Variants in DLG2 observed in about 807,000 individuals in gnomAD.
The protein encoded by DLG2 is disks large homolog 2.
In DLG2, 45 loss-of-function variants were observed where a neutral mutation model predicts 132.5. The ratio of observed to expected loss-of-function variants is 0.34; its 90% CI spans 0.27 to 0.44. DLG2 has a LOEUF of 0.44. Among genes scored for constraint, DLG2 ranks in the 20% least tolerant of loss-of-function variants. The pLI, the probability that DLG2 is intolerant of heterozygous loss-of-function variation, is 1.00. For missense variants in DLG2, 1,045 were observed against 1,196.9 expected, an observed-to-expected ratio of 0.87 and a Z score of 1.87; for synonymous variants, 424 against 419.6, an observed-to-expected ratio of 1.01 and a Z score of -0.13.
chr11:85,462,043 T>A (rs977633268), intron 3 of DLG2, among the ~76,000 whole-genome samples: 1 of 152,200 alleles, frequency 6.6e-6, no homozygotes, highest in South Asian at 2.1e-4. Context: ...AAAAGACACA[T>A]GAAAACATGC....
At chr11:84,144,781 T>A (rs1440184440) in intron 9 of DLG2, among the ~76,000 whole-genome samples, 1 of 151,758 alleles carries the variant, frequency 6.6e-6, no homozygotes, top group African/African-American at 2.4e-5. Flanking sequence ...ATTCTGCAGA[T>A]GACTGAAGTA....
rs2089015945 is a variant in DLG2, at chr11:83,456,583, T to G, written c.*3235A>C. ...GAGGTGGACAAAAAGAGAAAGGGAA[T>G]AGAGAAGGATTATAGGAGAAAGTCA... On this transcript the variant is annotated 3_prime_UTR_variant, in exon 28 of 28. Transcript: ENST00000376104. 1.4e-5 allele frequency: 2 copies of G among 141,452 alleles called. No homozygotes were observed. The highest frequency in any genetic ancestry group is 2.7e-5 in the African/African-American group (1 of 37,544). The allele number at this position is 141,452 out of a possible 1,614,324, so 8.8% of individuals were successfully genotyped here.
intron 4 of DLG2, among the ~76,000 whole-genome samples, chr11:85,263,059 C>T (rs1470869995): frequency 6.6e-6 from 1 of 152,074 alleles, no homozygotes; most frequent in East Asian, 1.9e-4. Flanking sequence ...GGGCATCCCC[C>T]CAGGAAAAGG....
At chr11:83,864,823 A>T (rs2062022676) in intron 16 of DLG2, among the ~76,000 whole-genome samples, 2 of 152,150 alleles carry the variant, frequency 1.3e-5, no homozygotes, top group African/African-American at 4.8e-5. Context: ...CAGAAAAAAA[A>T]ACCAGATTTC....
intron 6 of DLG2, among the ~76,000 whole-genome samples, chr11:84,620,037 A>G (rs933834033): frequency 2.6e-5 from 4 of 151,662 alleles, no homozygotes; most frequent in Non-Finnish European, 5.9e-5. Flanking sequence ...TAGTAGACCC[A>G]TTTTAATAAT....
chr11:84,741,587 A>G (rs576762107), intron 6 of DLG2, among the ~76,000 whole-genome samples: 244 of 152,246 alleles, frequency 1.6e-3, no homozygotes, highest in Non-Finnish European at 2.5e-3. Context: ...AAGAAACCAC[A>G]TAAAGACTAA....
intron 4 of DLG2, among the ~76,000 whole-genome samples, chr11:85,217,388 T>G (rs2082694397): frequency 6.6e-6 from 1 of 150,472 alleles, no homozygotes; most frequent in Admixed American, 6.6e-5. Flanking sequence ...ACACAATTGC[T>G]AAAACATGAA....
At chr11:85,462,937 T>C (rs922388512) in intron 3 of DLG2, among the ~76,000 whole-genome samples, 2 of 152,104 alleles carry the variant, frequency 1.3e-5, no homozygotes, top group African/African-American at 4.8e-5. Flanking sequence ...TATAAGAAGG[T>C]TCACAAGCAA....
intron 10 of DLG2, among the ~76,000 whole-genome samples, chr11:84,095,181 G>A (rs1039644618): frequency 2.0e-5 from 3 of 152,062 alleles, no homozygotes; most frequent in African/African-American, 7.2e-5. Flanking sequence ...AGAAGAAAAG[G>A]AACAGAGGCA....
intron 5 of DLG2, among the ~76,000 whole-genome samples, chr11:85,132,300 G>T (rs1451965335): frequency 1.3e-5 from 2 of 152,018 alleles, no homozygotes; most frequent in Non-Finnish European, 2.9e-5. Flanking sequence ...CAGAATATCA[G>T]AATTCTCCAA....
At chr11:84,086,554 A>G (rs552532094) in intron 10 of DLG2, among the ~76,000 whole-genome samples, 1 of 148,348 alleles carries the variant, frequency 6.7e-6, no homozygotes, top group South Asian at 2.1e-4. Flanking sequence ...TAGTAGTGCA[A>G]TCATGGCTCA....
At chr11:84,996,478 T>C (rs2057662787) in intron 6 of DLG2, among the ~76,000 whole-genome samples, 1 of 152,160 alleles carries the variant, frequency 6.6e-6, no homozygotes, top group East Asian at 1.9e-4. Context: ...CCAGTGGTAA[T>C]TCAGTAATTA....
At chr11:85,488,332 T>C (rs1303614252) in intron 3 of DLG2, among the ~76,000 whole-genome samples, 15 of 151,146 alleles carry the variant, frequency 9.9e-5, no homozygotes, top group Admixed American at 9.9e-4. Context: ...GAGGTTGCAG[T>C]GAGCCGAGAT....
chr11:84,970,573 C>T (rs2053968298), intron 6 of DLG2, among the ~76,000 whole-genome samples: 1 of 152,132 alleles, frequency 6.6e-6, no homozygotes, highest in Non-Finnish European at 1.5e-5. Context: ...GCTGTCTTCC[C>T]ACTGTAACCT....
At chr11:83,740,457 C>T (rs1419374112) in intron 18 of DLG2, among the ~76,000 whole-genome samples, 1 of 152,070 alleles carries the variant, frequency 6.6e-6, no homozygotes, top group Non-Finnish European at 1.5e-5. Context: ...TGGATAAAAA[C>T]TAATCAAAGA....
chr11:85,080,259 G>A (rs978508236), intron 6 of DLG2, among the ~76,000 whole-genome samples: 2 of 151,990 alleles, frequency 1.3e-5, no homozygotes, highest in African/African-American at 4.8e-5. Context: ...TTTTAAATTG[G>A]GAGGATATCA....
intron 16 of DLG2, 48 bp downstream of exon 16, chr11:83,874,372 C>A: frequency 1.5e-6 from 2 of 1,335,402 alleles, no homozygotes; most frequent in Non-Finnish European, 1.0e-6. Flanking sequence ...AGGAAGACTT[C>A]ATATTCCAAG....
At chr11:85,303,254 G>A (rs2079718209) in intron 3 of DLG2, among the ~76,000 whole-genome samples, 2 of 152,286 alleles carry the variant, frequency 1.3e-5, no homozygotes, top group South Asian at 4.1e-4. Flanking sequence ...TGGTTTTGAA[G>A]TACACAGCTG....
intron 5 of DLG2, among the ~76,000 whole-genome samples, chr11:85,136,792 T>C (rs548581311): frequency 6.6e-6 from 1 of 152,174 alleles, no homozygotes; most frequent in African/African-American, 2.4e-5. Context: ...TATTCTAGAA[T>C]CTAAGCCCCT....
Sources: allele counts gnomAD v4.1 joint callset (sites outside exome capture counted in the v4.1 genomes callset), GRCh38; gene constraint gnomAD v4.1.1; transcripts MANE v1.5; gene names NCBI Gene and HGNC (gene_info 2026-07-23, HGNC 2026-07-21).